The following GOLIM4 variants were observed in gnomAD, a reference collection of about 807,000 sequenced individuals.
The protein encoded by GOLIM4 is golgi integral membrane protein 4, also known as 130 kDa golgi-localized phosphoprotein.
GOLIM4 carries 71 observed loss-of-function variants against 107.4 expected under a neutral mutation model. The ratio of observed to expected loss-of-function variants is 0.66; its 90% CI spans 0.55 to 0.81. The LOEUF is 0.81. GOLIM4 is among the 30% of genes least tolerant of loss of function. The pLI, the probability that GOLIM4 is intolerant of heterozygous loss-of-function variation, is 0.00. For synonymous variants in GOLIM4, 327 were observed against 294.8 expected, an observed-to-expected ratio of 1.11 and a Z score of -1.12; for missense variants, 830 against 826.1, an observed-to-expected ratio of 1.00 and a Z score of -0.06.
chr3:168,013,369 G>A (rs992088377), intron 14 of GOLIM4, among the ~76,000 whole-genome samples: 1 of 151,942 alleles, frequency 6.6e-6, no homozygotes, highest in Non-Finnish European at 1.5e-5. Flanking sequence ...ACCCAATACA[G>A]GAGCACCAAG....
chr3:168,010,625 G>T, intron 15 of GOLIM4, 118 bp downstream of exon 15: 1 of 855,002 alleles, frequency 1.2e-6, no homozygotes. Context: ...TAAATTCAGT[G>T]GTAACTCAGA....
intron 1 of GOLIM4, among the ~76,000 whole-genome samples, chr3:168,071,559 A>C (rs938156100): frequency 6.6e-6 from 1 of 151,516 alleles, no homozygotes; most frequent in African/African-American, 2.4e-5. Flanking sequence ...ACCTCCAGGA[A>C]AAGCAAGGAA....
intron 6 of GOLIM4, chr3:168,041,127 G>A (rs1014007947): frequency 5.9e-6 from 3 of 506,036 alleles, no homozygotes; most frequent in Non-Finnish European, 1.0e-5. Context: ...CTCATTATTA[G>A]TAAACTTTTA....
rs141343782 is a variant in GOLIM4 at position 168,046,108 on chromosome 3, G to C, written c.312+842C>G. On this transcript the variant is annotated intron_variant, in intron 3 of 15. Transcript: ENST00000470487. ...GGCTGGTCTCAAACTCCTGGCCTCA[G>C]GCAATCCTCCTGCCTCAGCCTCCCA... Among the ~76,000 whole-genome samples, 1,090 of 152,214 alleles carry C rather than the reference G, an allele frequency of 7.2e-3. 10 individuals carry two copies. The highest frequency in any genetic ancestry group is 0.025 in the African/African-American group (1,032 of 41,516).
intron 1 of GOLIM4, among the ~76,000 whole-genome samples, chr3:168,066,894 AAG>A (rs1720576523): frequency 1.3e-5 from 2 of 152,222 alleles, no homozygotes; most frequent in South Asian, 2.1e-4. Context: ...TGAATTTCTG[AAG>A]AGTTATTTCA....
At chr3:168,038,067 CT>C (rs1718764419) in intron 7 of GOLIM4, among the ~76,000 whole-genome samples, 6 of 152,254 alleles carry the variant, frequency 3.9e-5, no homozygotes, top group Admixed American at 3.9e-4. Flanking sequence ...GAGTGAGGTG[CT>C]TTTTTTGCTT....
chr3:168,015,487 T>A (rs996290744), intron 14 of GOLIM4, among the ~76,000 whole-genome samples: 4 of 137,088 alleles, frequency 2.9e-5, no homozygotes, highest in Admixed American at 2.8e-4. Flanking sequence ...ATAGATTCAA[T>A]GCCATCCCCA....
At chr3:168,058,505 G>T (rs1347934395) in intron 1 of GOLIM4, among the ~76,000 whole-genome samples, 2 of 152,154 alleles carry the variant, frequency 1.3e-5, no homozygotes, top group Non-Finnish European at 2.9e-5. Flanking sequence ...GAGCTATTAT[G>T]TTATAACCCA....
At chr3:168,047,159 T>C (rs945364659) in intron 2 of GOLIM4, among the ~76,000 whole-genome samples, 160 bp from the exon 3 acceptor site, 2 of 152,242 alleles carry the variant, frequency 1.3e-5, no homozygotes, top group African/African-American at 4.8e-5. Context: ...CTCATTGCTT[T>C]AGAAAGAATT....
chr3:168,034,479 T>C (rs1718525457), intron 8 of GOLIM4, among the ~76,000 whole-genome samples: 1 of 152,226 alleles, frequency 6.6e-6, no homozygotes, highest in African/African-American at 2.4e-5. Flanking sequence ...ATGAAGATAC[T>C]GAACCTGTCT....
intron 2 of GOLIM4, 34 bp from the exon 3 acceptor site, chr3:168,047,033 A>G (rs1719345241): frequency 1.1e-6 from 1 of 951,494 alleles, no homozygotes; most frequent in Non-Finnish European, 1.6e-6. Flanking sequence ...AACAGTGATA[A>G]TTCACTACAC....
chr3:168,057,210 G>T (rs1720025712), intron 1 of GOLIM4, among the ~76,000 whole-genome samples: 1 of 152,208 alleles, frequency 6.6e-6, no homozygotes, highest in Non-Finnish European at 1.5e-5. Context: ...CTTCCACCAT[G>T]ATTGTGAGGA....
At chr3:168,090,676 C>G (rs372262863) in intron 1 of GOLIM4, among the ~76,000 whole-genome samples, 6 of 152,122 alleles carry the variant, frequency 3.9e-5, no homozygotes, top group African/African-American at 1.4e-4. Context: ...TAGGTATATA[C>G]CCAAAGGGAA....
intron 3 of GOLIM4, 131 bp downstream of exon 3, chr3:168,046,819 A>AG (rs398052621): frequency 2.0e-5 from 9 of 439,994 alleles, no homozygotes; most frequent in South Asian, 5.3e-5. Context: ...AAAAAAAAAA[A>AG]GGGGGTGTCA....
intron 1 of GOLIM4, among the ~76,000 whole-genome samples, chr3:168,093,665 A>G (rs1009044289): frequency 6.6e-6 from 1 of 152,224 alleles, no homozygotes; most frequent in South Asian, 2.1e-4. Flanking sequence ...ACAATAACTC[A>G]TGGGTAAATT....
chr3:168,021,887 C>T (rs1401814374), intron 14 of GOLIM4, among the ~76,000 whole-genome samples: 1 of 152,020 alleles, frequency 6.6e-6, no homozygotes, highest in Non-Finnish European at 1.5e-5. Context: ...TATTTTTGAA[C>T]ATGTAAGTAA....
At chr3:168,039,421 G>T (rs1457891620) in intron 7 of GOLIM4, among the ~76,000 whole-genome samples, 1 of 151,698 alleles carries the variant, frequency 6.6e-6, no homozygotes, top group African/African-American at 2.4e-5. Flanking sequence ...ACACCACCAC[G>T]CCTGGCTAAT....
At chr3:168,022,258 A>T (rs1187089969) in intron 14 of GOLIM4, among the ~76,000 whole-genome samples, 1 of 152,052 alleles carries the variant, frequency 6.6e-6, no homozygotes, top group East Asian at 1.9e-4. Flanking sequence ...GAGGAAGGGA[A>T]GCGATGGCAG....
intron 12 of GOLIM4, among the ~76,000 whole-genome samples, chr3:168,027,222 C>T (rs1416134330): frequency 6.6e-6 from 1 of 152,172 alleles, no homozygotes; most frequent in Non-Finnish European, 1.5e-5. Context: ...CTTCATGTCT[C>T]AGACCACATA....
Sources: gnomAD v4.1 joint callset for allele counts (sites outside exome capture counted in the v4.1 genomes callset) on GRCh38, gnomAD v4.1.1 for gene constraint, MANE v1.5 for transcripts, NCBI Gene and HGNC (gene_info 2026-07-23, HGNC 2026-07-21) for gene names.